Variants in AKAP19 observed in about 807,000 individuals in gnomAD.
AKAP19 encodes small A-kinase anchoring protein.
At chr2:189,986,747 C>A in the AKAP19 span, among the ~76,000 whole-genome samples, 7 of 152,196 alleles carry the variant, frequency 4.6e-5, no homozygotes, top group African/African-American at 1.7e-4. Context: ...AGCAGCCATT[C>A]ATATCCTTGT....
chr2:189,992,353 G>A, the AKAP19 span, among the ~76,000 whole-genome samples: 1 of 152,104 alleles, frequency 6.6e-6, no homozygotes, highest in East Asian at 1.9e-4. Context: ...ACCACTCCTG[G>A]CCACAATTTT....
At chr2:190,162,972 A>G in the AKAP19 span, among the ~76,000 whole-genome samples, 1 of 152,254 alleles carries the variant, frequency 6.6e-6, no homozygotes, top group Non-Finnish European at 1.5e-5. Flanking sequence ...ACTGTTAAAA[A>G]GCAAGTGGAG....
chr2:189,949,631 C>CTTT, the AKAP19 span, among the ~76,000 whole-genome samples: 34 of 117,760 alleles, frequency 2.9e-4, no homozygotes, highest in South Asian at 5.7e-4. Context: ...CTTTTTCTTT[C>CTTT]TTTTTTTTTT....
chr2:190,126,441 T>G, the AKAP19 span, among the ~76,000 whole-genome samples: 1 of 151,084 alleles, frequency 6.6e-6, no homozygotes, highest in African/African-American at 2.4e-5. Context: ...CTTTACAATA[T>G]CCTTGAGAAG....
At chr2:190,144,699 G>A in the AKAP19 span, among the ~76,000 whole-genome samples, 37 of 152,174 alleles carry the variant, frequency 2.4e-4, no homozygotes, top group Non-Finnish European at 3.8e-4. Flanking sequence ...ATTCTGGGCC[G>A]GGCATGGTGG....
the AKAP19 span, among the ~76,000 whole-genome samples, chr2:189,955,889 TTAAGA>T: frequency 6.6e-6 from 1 of 152,316 alleles, no homozygotes; most frequent in Middle Eastern, 3.4e-3. Context: ...ATCTTAAAAG[TTAAGA>T]TAACTCAGAA....
the AKAP19 span, among the ~76,000 whole-genome samples, chr2:190,037,217 A>G: frequency 2.6e-5 from 4 of 152,232 alleles, no homozygotes; most frequent in East Asian, 3.8e-4. Context: ...ATTTTTTGCC[A>G]TAACTACCCA....
the AKAP19 span, among the ~76,000 whole-genome samples, chr2:190,049,683 C>G: frequency 1.3e-5 from 2 of 152,196 alleles, no homozygotes; most frequent in African/African-American, 4.8e-5. Flanking sequence ...ACTGATATTA[C>G]TAAGCTACCT....
chr2:190,047,294 C>G, the AKAP19 span, among the ~76,000 whole-genome samples: 1 of 152,094 alleles, frequency 6.6e-6, no homozygotes, highest in Non-Finnish European at 1.5e-5. Flanking sequence ...GCCCTTCTTC[C>G]TTCTTCTTTC....
chr2:190,195,357 A>T, the AKAP19 span, among the ~76,000 whole-genome samples: 465 of 143,844 alleles, frequency 3.2e-3, 1 homozygote, highest in African/African-American at 0.011. Context: ...GAACTGCTGG[A>T]TCATACAGTA....
chr2:189,899,469 A>G, the AKAP19 span, among the ~76,000 whole-genome samples: 1 of 152,146 alleles, frequency 6.6e-6, no homozygotes, highest in African/African-American at 2.4e-5. Context: ...TTTCATTGAG[A>G]TAATTGGTAA....
the AKAP19 span, among the ~76,000 whole-genome samples, chr2:189,968,315 T>A: frequency 6.6e-6 from 1 of 152,200 alleles, no homozygotes; most frequent in African/African-American, 2.4e-5. Flanking sequence ...ATAGCTCTCT[T>A]TAGCCTCAAA....
At chr2:190,156,002 G>A in the AKAP19 span, among the ~76,000 whole-genome samples, 2 of 152,070 alleles carry the variant, frequency 1.3e-5, no homozygotes. Flanking sequence ...ATTGGATAAA[G>A]TGATCTTAAA....
chr2:190,021,713 G>A, the AKAP19 span, among the ~76,000 whole-genome samples: 2 of 152,194 alleles, frequency 1.3e-5, no homozygotes, highest in Admixed American at 1.3e-4. Flanking sequence ...CATTTGCTGT[G>A]GAGGTGCCAT....
the AKAP19 span, among the ~76,000 whole-genome samples, chr2:190,154,163 T>A: frequency 1.3e-5 from 2 of 152,228 alleles, no homozygotes; most frequent in African/African-American, 2.4e-5. Flanking sequence ...CTATGGTAAT[T>A]GACCCCTGTG....
At chr2:190,193,740 C>G in the AKAP19 span, among the ~76,000 whole-genome samples, 19 of 152,116 alleles carry the variant, frequency 1.2e-4, no homozygotes, top group African/African-American at 3.9e-4. Flanking sequence ...AGAGATGTAT[C>G]TATTAGATCT....
the AKAP19 span, among the ~76,000 whole-genome samples, chr2:190,166,099 A>C: frequency 6.0e-3 from 907 of 152,078 alleles, 14 homozygotes; most frequent in African/African-American, 0.02. Flanking sequence ...ATAATAGAAG[A>C]AGCACTGGTG....
the AKAP19 span, among the ~76,000 whole-genome samples, chr2:190,171,233 T>TA: frequency 0.021 from 3,152 of 147,110 alleles, 91 homozygotes; most frequent in African/African-American, 0.069. Context: ...GAAAAAAAGT[T>TA]AAAAAAAAAA....
the AKAP19 span, among the ~76,000 whole-genome samples, chr2:190,038,901 T>TTTCTTTCTTTC: frequency 3.8e-3 from 174 of 45,912 alleles, 1 homozygote; most frequent in African/African-American, 9.6e-3. Flanking sequence ...TCTTTCTTTC[T>TTTCTTTCTTTC]TTCTTCTTCT....
Sources: gnomAD v4.1 joint callset for allele counts (sites outside exome capture counted in the v4.1 genomes callset) on GRCh38, gnomAD v4.1.1 for gene constraint, MANE v1.5 for transcripts, NCBI Gene and HGNC (gene_info 2026-07-23, HGNC 2026-07-21) for gene names.